LARP4B: variants seen among roughly 807,000 people sequenced by gnomAD.
LARP4B encodes the protein la-related protein 4B.
LARP4B carries 12 observed loss-of-function variants against 89.8 expected under a neutral mutation model. The observed-to-expected ratio is 0.13, with a 90% CI of 0.09 to 0.22. LARP4B has a LOEUF of 0.22. Ranked by LOEUF, LARP4B falls within the 10% of genes least tolerant of loss-of-function variation. LARP4B has a pLI of 1.00. For synonymous variants in LARP4B, 367 were observed against 363.3 expected, an observed-to-expected ratio of 1.01 and a Z score of -0.12; for missense variants, 757 against 947.7, an observed-to-expected ratio of 0.80 and a Z score of 2.64.
At chr10:879,971 A>C (rs1835605005) in intron 3 of LARP4B, among the ~76,000 whole-genome samples, 1 of 150,840 alleles carries the variant, frequency 6.6e-6, no homozygotes, top group South Asian at 2.1e-4. Context: ...ACGGGGTTTC[A>C]TCATATTGGT....
chr10:917,215 T>C (rs1278752681), intron 1 of LARP4B, among the ~76,000 whole-genome samples: 5 of 152,246 alleles, frequency 3.3e-5, no homozygotes, highest in Non-Finnish European at 5.9e-5. Context: ...CTTTTCATGT[T>C]TTGTTTTCCC....
At chr10:931,951 C>CCCGCGCACGCCGCACGTCCG (rs1830635532), upstream of LARP4B, among the ~76,000 whole-genome samples, 1 of 148,942 alleles carries the variant, frequency 6.7e-6, no homozygotes, top group African/African-American at 2.4e-5. Context: ...ATCGCCCCGC[C>CCCGCGCACGCCGCACGTCCG]CCGCGCACGC....
At position 843,058 on chromosome 10, in the gene LARP4B, C is replaced by T; in HGVS notation, c.520G>A (p.Ala174Thr). The T allele has an allele frequency of 6.2e-7, 1 of 1,613,610 alleles. No individual in the cohort carries two copies. The highest frequency in any genetic ancestry group is 8.5e-7 in the Non-Finnish European group (1 of 1,179,690). Residue 174 changes from alanine (A) to threonine (T), a missense_variant, in exon 7 of 18, where the codon GCT becomes ACT. Ala to Thr is a moderately conservative substitution (Grantham distance 58). This residue lies in a region of LARP4B where 54 missense variants were observed against 96.0 expected (regional missense o/e 0.56). Coordinates refer to ENST00000316157, the MANE Select transcript of LARP4B (RefSeq NM_015155.3). Reference sequence around the variant, plus strand: ...TGTGATATAAGATACATGTCACTAGCAAGGTTCTCCCTGTTGAAAGAAAAC... The same window carrying T: ...TGTGATATAAGATACATGTCACTAGTAAGGTTCTCCCTGTTGAAAGAAAAC... ...LEFCLSRENL[A>T]SDMYLISQMD...
At chr10:820,103 GCCA>G (rs1832268734) in intron 14 of LARP4B, 1 of 150,276 alleles carries the variant, frequency 6.7e-6, no homozygotes, top group Admixed American at 6.6e-5. Context: ...ACTGCTAACT[GCCA>G]CCGTGCCATC....
At chr10:843,152 G>A (rs888913960) in intron 6 of LARP4B, 84 bp from the exon 7 acceptor site, 14 of 1,195,444 alleles carry the variant, frequency 1.2e-5, no homozygotes, top group East Asian at 2.5e-5. Context: ...CACAAGAGGC[G>A]TGAGTGTGGC....
intron 8 of LARP4B, among the ~76,000 whole-genome samples, chr10:834,496 T>C (rs1833091134): frequency 6.6e-6 from 1 of 152,212 alleles, no homozygotes; most frequent in African/African-American, 2.4e-5. Flanking sequence ...ACTCCTAGCC[T>C]ACATTTCTAA....
At chr10:912,033 G>T (rs1052588711) in intron 1 of LARP4B, among the ~76,000 whole-genome samples, 2 of 152,184 alleles carry the variant, frequency 1.3e-5, no homozygotes, top group African/African-American at 4.8e-5. Context: ...GGTCACAGTG[G>T]GCTGACTGGG....
Position 830,808 on chromosome 10 carries a change from A to C in LARP4B, c.861+59T>G. 7 of 763,658 alleles carry C rather than the reference A, an allele frequency of 9.2e-6. No homozygotes were observed. The South Asian group carries it at 1.1e-4, about 12-fold the overall frequency. The allele number at this position is 763,658 out of a possible 1,614,324, so 47.3% of individuals were successfully genotyped here. On this transcript the variant is annotated intron_variant, in intron 9 of 17. Transcript: ENST00000316157. ...ATGCCCAAGTTTAGTCCCAACATGC[A>C]CTAATAGTAAAAACTGGTAAACTAT...
chr10:856,707 C>T (rs919438750), intron 5 of LARP4B, among the ~76,000 whole-genome samples: 2 of 152,162 alleles, frequency 1.3e-5, no homozygotes, highest in Non-Finnish European at 2.9e-5. Flanking sequence ...TCGATCAGGT[C>T]CTCACAGGGA....
At chr10:986,985 C>G in the LARP4B span, 1 of 151,394 alleles carries the variant, frequency 6.6e-6, no homozygotes, top group Non-Finnish European at 1.5e-5. Flanking sequence ...CCATCTGAAG[C>G]AAAGTATTGA....
At chr10:892,902 AT>A (rs56051964) in intron 1 of LARP4B, among the ~76,000 whole-genome samples, 41,151 of 117,786 alleles carry the variant, frequency 0.35, 7,434 homozygotes, top group South Asian at 0.51. Flanking sequence ...ACCAAGAGAA[AT>A]TTTTTTTTTT....
chr10:883,205 T>C (rs535285918), intron 3 of LARP4B, among the ~76,000 whole-genome samples: 1 of 152,366 alleles, frequency 6.6e-6, no homozygotes, highest in African/African-American at 2.4e-5. Flanking sequence ...GTCTTATATT[T>C]GGATATTTTT....
At chr10:849,282 G>T (rs919119864) in intron 5 of LARP4B, among the ~76,000 whole-genome samples, 4 of 152,176 alleles carry the variant, frequency 2.6e-5, no homozygotes, top group African/African-American at 9.7e-5. Context: ...AGCGCTCCTT[G>T]GAGAAATGGC....
At position 841,827 on chromosome 10, in the gene LARP4B, T is replaced by A. The variant is rs147305648; in HGVS notation, c.646+1105A>T. 3.5e-3 allele frequency among the ~76,000 whole-genome samples: 530 copies of A among 152,098 alleles called. 3 individuals are homozygous for A. The highest frequency in any genetic ancestry group is 0.012 in the African/African-American group (488 of 41,496). Reference sequence around the variant, plus strand: ...ATTATGTTTGTCAGTTTTTTCACTGTCTCCAATAATTTAATAACCCATGCT... The same window carrying A: ...ATTATGTTTGTCAGTTTTTTCACTGACTCCAATAATTTAATAACCCATGCT... On this transcript the variant is annotated intron_variant, in intron 7 of 17. Transcript: ENST00000316157.
At position 814,688 on chromosome 10, in the gene LARP4B, T is replaced by A. The variant is rs1564375913; in HGVS notation, c.1929+54A>T. ...CAGGTGCAGGAGTGCGCAGCGTCTG[T>A]TCACACCAGAGCCTCGCGGCTGTCG... On this transcript the variant is annotated intron_variant, in intron 17 of 17. Transcript: ENST00000316157. This position sits in a 1 kb window ranked among gnomAD's most constrained non-coding sequence, Gnocchi z 4.4. 2.6e-6 allele frequency: 4 copies of A among 1,556,704 alleles called. No individual in the cohort carries two copies. The highest frequency in any genetic ancestry group is 2.6e-6 in the Non-Finnish European group (3 of 1,149,752).
chr10:881,623 G>A (rs183669607), intron 3 of LARP4B, among the ~76,000 whole-genome samples: 10 of 152,292 alleles, frequency 6.6e-5, no homozygotes, highest in Admixed American at 3.9e-4. Flanking sequence ...GCAAAGTACT[G>A]TAATCATAAC....
chr10:969,240 G>C, the LARP4B span, among the ~76,000 whole-genome samples: 1 of 152,204 alleles, frequency 6.6e-6, no homozygotes, highest in Non-Finnish European at 1.5e-5. Flanking sequence ...GTGACAACCT[G>C]TATTGTGTCT....
At chr10:902,949 C>G (rs1016103348) in intron 1 of LARP4B, among the ~76,000 whole-genome samples, 1 of 152,150 alleles carries the variant, frequency 6.6e-6, no homozygotes, top group Non-Finnish European at 1.5e-5. Flanking sequence ...GGCATAAAAT[C>G]TTTTTAATAC....
At chr10:954,308 C>T in the LARP4B span, among the ~76,000 whole-genome samples, 2 of 152,182 alleles carry the variant, frequency 1.3e-5, no homozygotes, top group Non-Finnish European at 2.9e-5. This position sits in a 1 kb window ranked among gnomAD's most constrained non-coding sequence, Gnocchi z 5.0. Flanking sequence ...AGCCTGTGTC[C>T]ACCAGCCCGG....
Sources: allele counts gnomAD v4.1 joint callset (sites outside exome capture counted in the v4.1 genomes callset), GRCh38; gene constraint gnomAD v4.1.1; regional missense constraint gnomAD v4.1.1; non-coding constraint Gnocchi (gnomAD v3.1); transcripts MANE v1.5; gene names NCBI Gene and HGNC (gene_info 2026-07-23, HGNC 2026-07-21).